The following VPS37C variants were observed in gnomAD, a reference collection of about 807,000 sequenced individuals.
VPS37C encodes the protein VPS37C subunit of ESCRT-I.
In VPS37C, 9 loss-of-function variants were observed where a neutral mutation model predicts 16.1. The ratio of observed to expected loss-of-function variants is 0.56; its 90% confidence interval spans 0.34 to 0.97. The LOEUF (loss-of-function observed/expected upper bound fraction) is 0.97. Ranked by LOEUF, VPS37C falls within the 50% of genes least tolerant of loss-of-function variation. The pLI is 0.02. For synonymous variants in VPS37C, 207 were observed against 206.4 expected, an observed-to-expected ratio of 1.00 and a Z score of -0.02; for missense variants, 479 against 472.7, an observed-to-expected ratio of 1.01 and a Z score of -0.12.
At chr11:61,141,125 T>A (rs910813485) in intron 1 of VPS37C, among the ~76,000 whole-genome samples, 7 of 152,142 alleles carry the variant, frequency 4.6e-5, no homozygotes, top group East Asian at 1.9e-4. Context: ...TCCCAGCACT[T>A]TGGAAGGCCA....
intron 1 of VPS37C, among the ~76,000 whole-genome samples, chr11:61,160,285 G>C (rs573544249): frequency 3.3e-5 from 5 of 152,204 alleles, no homozygotes; most frequent in African/African-American, 9.6e-5. Context: ...TATTTTCATT[G>C]CAACAGTCCC....
intron 1 of VPS37C, among the ~76,000 whole-genome samples, chr11:61,159,901 CA>C (rs35953020): frequency 0.031 from 1,519 of 49,464 alleles, 2 homozygotes; most frequent in African/African-American, 0.061. Flanking sequence ...GACTCCGTCT[CA>C]AAAAAAAAAA....
At chr11:61,157,832 C>T (rs1214904014) in intron 1 of VPS37C, among the ~76,000 whole-genome samples, 1 of 152,202 alleles carries the variant, frequency 6.6e-6, no homozygotes, top group East Asian at 1.9e-4. Context: ...ATGTTTAGGT[C>T]ACAGGACAGA....
At chr11:61,133,475 T>A in intron 3 of VPS37C, 138 bp from the exon 4 acceptor site, 3 of 805,254 alleles carry the variant, frequency 3.7e-6, no homozygotes, top group South Asian at 3.4e-5. Context: ...TGGGTGGGCT[T>A]GATGAGCACT....
chr11:61,152,500 GC>G (rs1381031867), intron 1 of VPS37C, among the ~76,000 whole-genome samples: 2 of 152,054 alleles, frequency 1.3e-5, no homozygotes, highest in Non-Finnish European at 2.9e-5. Context: ...GCCCTCTCCA[GC>G]CCTCTTCTAC....
At chr11:61,138,425 G>T in intron 2 of VPS37C, 1 of 297,778 alleles carries the variant, frequency 3.4e-6, no homozygotes, top group Non-Finnish European at 6.5e-6. Context: ...TTGGGGAAAA[G>T]TGGGTACAAA....
intron 1 of VPS37C, among the ~76,000 whole-genome samples, chr11:61,149,418 A>G (rs1256854548): frequency 1.3e-5 from 2 of 152,186 alleles, no homozygotes; most frequent in African/African-American, 4.8e-5. Flanking sequence ...TCTGTTTCTC[A>G]TTTGTAAAAT....
chr11:61,136,428 C>A (rs1204502258), intron 2 of VPS37C, among the ~76,000 whole-genome samples: 1 of 152,182 alleles, frequency 6.6e-6, no homozygotes, highest in Non-Finnish European at 1.5e-5. Context: ...CCCACCTCGG[C>A]CTCCCAAAGT....
chr11:61,136,583 T>C (rs1163005538), intron 2 of VPS37C, among the ~76,000 whole-genome samples: 1 of 146,950 alleles, frequency 6.8e-6, no homozygotes, highest in Non-Finnish European at 1.5e-5. Flanking sequence ...AGGGGTTCAG[T>C]GTGAAGTCCT....
rs537868237 is a variant in VPS37C, at chr11:61,131,867, G to C, written c.1021C>G (p.Pro341Ala). The change falls in exon 5 of 5, where the codon CCC (proline) becomes GCC (alanine). Residue 341 changes from proline to alanine, a missense_variant. Transcript: ENST00000301765. ...QPPYPPGPAP[P>A]YGFPPPPGPA... is the part of the protein sequence containing the mutation. ...CCCGGCGGTGGTGGGAACCCATAGGGAGGGGCGGGCCCGGGGGGATAAGGG... is the reference window on the plus strand; with the variant it reads ...CCCGGCGGTGGTGGGAACCCATAGGCAGGGGCGGGCCCGGGGGGATAAGGG... 13 of 1,265,926 alleles carry C rather than the reference G, an allele frequency of 1.0e-5. No individual in the cohort carries two copies. In the African/African-American group the frequency reaches 1.5e-4, roughly 15 times the overall value. 78.4% of individuals were successfully genotyped at this position (1,265,926 alleles called of 1,614,324 possible). A position where few individuals can be genotyped will look rare whatever the true frequency, so the allele number is the denominator to read the frequency against.
At chr11:61,151,845 C>T (rs914552187) in intron 1 of VPS37C, among the ~76,000 whole-genome samples, 8 of 152,308 alleles carry the variant, frequency 5.3e-5, no homozygotes, top group African/African-American at 1.9e-4. Context: ...AATAGGTAGC[C>T]GGTTTTTGAA....
At position 61,131,064 on chromosome 11, in the gene VPS37C, C is replaced by T; in HGVS notation, c.*756G>A. On this transcript the variant is annotated 3_prime_UTR_variant, in exon 5 of 5. Transcript: ENST00000301765. ...AAACAAGCCCCAATGTGACCACAAT[C>T]TCCAGGGCTAGAGCTGCCCGCTTCC... 1 of 287,200 alleles carries T rather than the reference C, an allele frequency of 3.5e-6. No individual in the cohort carries two copies. The highest frequency in any genetic ancestry group is 2.9e-5 in the South Asian group (1 of 34,576). 17.8% of individuals were successfully genotyped at this position (287,200 alleles called of 1,614,324 possible). A position where few individuals can be genotyped will look rare whatever the true frequency, so the allele number is the denominator to read the frequency against.
At chr11:61,140,881 A>G (rs1403292182) in intron 1 of VPS37C, among the ~76,000 whole-genome samples, 1 of 152,112 alleles carries the variant, frequency 6.6e-6, no homozygotes, top group Admixed American at 6.5e-5. Context: ...TTCTGTCCAC[A>G]CCTCACCTTA....
chr11:61,159,311 ATT>A (rs1272290919), intron 1 of VPS37C, among the ~76,000 whole-genome samples: 1 of 152,200 alleles, frequency 6.6e-6, no homozygotes, highest in Non-Finnish European at 1.5e-5. Context: ...CACCCAGTGC[ATT>A]TGTTAATAGA....
intron 1 of VPS37C, among the ~76,000 whole-genome samples, chr11:61,150,590 A>C: frequency 6.8e-6 from 1 of 147,924 alleles, no homozygotes; most frequent in East Asian, 2.1e-4. Flanking sequence ...CATTTAATCC[A>C]AACCCTACTG....
chr11:61,148,506 CT>C (rs1449452732), intron 1 of VPS37C, among the ~76,000 whole-genome samples: 1 of 150,846 alleles, frequency 6.6e-6, no homozygotes, highest in Admixed American at 6.6e-5. Context: ...ATCTGGTTTT[CT>C]TTTCCCGGAA....
chr11:61,138,321 A>G (rs1333437744), intron 2 of VPS37C: 1 of 173,424 alleles, frequency 5.8e-6, no homozygotes, highest in Non-Finnish European at 1.3e-5. Flanking sequence ...TATGAGGAGA[A>G]ACAGGATCAA....
At chr11:61,149,184 G>A (rs1209820096) in intron 1 of VPS37C, among the ~76,000 whole-genome samples, 1 of 152,202 alleles carries the variant, frequency 6.6e-6, no homozygotes. Flanking sequence ...TACTCAGGAG[G>A]CTGAGGCAGG....
At chr11:61,150,787 T>C (rs1458861645) in intron 1 of VPS37C, among the ~76,000 whole-genome samples, 1 of 152,018 alleles carries the variant, frequency 6.6e-6, no homozygotes, top group East Asian at 1.9e-4. Context: ...TCAGCTGTGA[T>C]GTCTTGCCAG....
Sources: gnomAD v4.1 joint callset for allele counts (sites outside exome capture counted in the v4.1 genomes callset) on GRCh38, gnomAD v4.1.1 for gene constraint, MANE v1.5 for transcripts, NCBI Gene and HGNC (gene_info 2026-07-23, HGNC 2026-07-21) for gene names.